UBTF: variants seen among roughly 807,000 people sequenced by gnomAD.
UBTF encodes upstream binding transcription factor.
A neutral mutation model predicts 112.3 loss-of-function variants in UBTF; 8 were observed. The observed-to-expected ratio is 0.07, with a 90% CI of 0.04 to 0.13. The LOEUF (loss-of-function observed/expected upper bound fraction) is 0.13, where lower values mean the gene tolerates loss of function less well. Ranked by LOEUF, UBTF falls within the 10% of genes least tolerant of loss-of-function variation. The probability of loss-of-function intolerance (pLI) is 1.00; values close to 1 mark genes in which losing one functional copy is unlikely to be tolerated. For missense variants in UBTF, 457 were observed against 982.1 expected (o/e 0.47, Z 7.15); for synonymous variants, 417 against 373.1 (o/e 1.12, Z -1.36).
Position 44,211,779 on chromosome 17 carries a change from C to T in UBTF, c.906-32G>A, listed in dbSNP as rs746148792. The T allele has an allele frequency of 2.3e-5, 37 of 1,599,652 alleles. No homozygotes were observed. In the African/African-American group the frequency reaches 2.7e-4, roughly 12 times the overall value. On this transcript the variant is annotated intron_variant, in intron 9 of 20. Coordinates refer to ENST00000436088, the MANE Select transcript of UBTF (RefSeq NM_014233.4). This position sits in a 1 kb window ranked among gnomAD's most constrained non-coding sequence, Gnocchi z 4.9. Reference sequence around the variant, plus strand: ...GAGCCGCGGGGAGAGAGGTGCAGCCCGTAAGCGAGCAGGGCAGCAGGCCTT... The same window carrying T: ...GAGCCGCGGGGAGAGAGGTGCAGCCTGTAAGCGAGCAGGGCAGCAGGCCTT...
At chr17:44,213,156 G>A in intron 6 of UBTF, 62 bp downstream of exon 6, 2 of 1,587,638 alleles carry the variant, frequency 1.3e-6, no homozygotes, top group Middle Eastern at 1.7e-4. Context: ...GCTCTGGCCA[G>A]GGTTAGCCTA....
At position 44,212,518 on chromosome 17, in the gene UBTF, A is replaced by T. The variant is rs1259353360; in HGVS notation, c.661-64T>A. 6.5e-6 allele frequency: 4 copies of T among 612,558 alleles called. No homozygotes were observed. The South Asian group carries it at 6.8e-5, about 10-fold the overall frequency. 37.9% of individuals were successfully genotyped at this position (612,558 alleles called of 1,614,324 possible). ...GGGGCAGGGGGAGGGGGGAAGGGGG[A>T]AGGGGGCACAGAGGCCCCCGCCCCC... On this transcript the variant is annotated intron_variant, in intron 7 of 20. Transcript: ENST00000436088.
At chr17:44,220,108 A>G (rs2047106958), upstream of UBTF, among the ~76,000 whole-genome samples, 3 of 132,014 alleles carry the variant, frequency 2.3e-5, no homozygotes, top group Admixed American at 7.3e-5. Context: ...CGGGGCAGGG[A>G]GACACGCAGC....
intron 17 of UBTF, among the ~76,000 whole-genome samples, chr17:44,208,461 A>G (rs1382243721): frequency 6.6e-6 from 1 of 152,076 alleles, no homozygotes; most frequent in Admixed American, 6.6e-5. Flanking sequence ...CACTAAGACT[A>G]TTGGTTTTCA....
In UBTF at chr17:44,215,813, G is replaced by A. The variant is rs2046815102; in HGVS notation, c.319-4C>T. ...TCTTTGGGAAGTCTGGGTGTTTCTG[G>A]AAGAAGGGACAAGGACACAATGGAG... is the stretch of plus-strand genomic sequence containing the variant. On this transcript the variant is annotated splice_polypyrimidine_tract_variant and splice_region_variant and intron_variant, in intron 4 of 20. Coordinates refer to ENST00000436088, the MANE Select transcript of UBTF (RefSeq NM_014233.4). 2 of 1,613,980 alleles carry A rather than the reference G, an allele frequency of 1.2e-6. No individual in the cohort carries two copies. Among genetic ancestry groups the A allele is most frequent in the African/African-American group, 2.7e-5 (2 of 74,878 alleles).
intron 2 of UBTF, among the ~76,000 whole-genome samples, chr17:44,216,923 C>A (rs886889296): frequency 6.6e-6 from 1 of 152,204 alleles, no homozygotes; most frequent in Admixed American, 6.5e-5. Context: ...ACCTAGAAAG[C>A]CAGGCTCGAA....
In UBTF at chr17:44,206,021, G is replaced by C. The variant is rs913601877; in HGVS notation, c.*1221C>G. 2 of 152,164 alleles carry C rather than the reference G, an allele frequency of 1.3e-5. No individual in the cohort carries two copies. Among genetic ancestry groups the C allele is most frequent in the Non-Finnish European group, 2.9e-5 (2 of 68,046 alleles). 9.4% of individuals were successfully genotyped at this position (152,164 alleles called of 1,614,324 possible). A position where few individuals can be genotyped will look rare whatever the true frequency, so the allele number is the denominator to read the frequency against. On this transcript the variant is annotated 3_prime_UTR_variant, in exon 21 of 21. Coordinates refer to ENST00000436088, the MANE Select transcript of UBTF (RefSeq NM_014233.4). ...GATTCAAGGAAGGCTGGAGGGATGT[G>C]TAAGTTAGGAGCTCCCAGCACATTT...
In UBTF at chr17:44,210,368, C is replaced by G; in HGVS notation, c.1465G>C (p.Glu489Gln). Residue 489 changes from glutamate to glutamine, a missense_variant, in exon 14 of 21, where the codon GAG becomes CAG. Coordinates refer to ENST00000436088, the MANE Select transcript of UBTF (RefSeq NM_014233.4). ...ATAACGCTCTGTTGCCAGATCTCCTCAGCTCTTTTGGGGGACTCGGGCAGC... is the reference window on the plus strand; with the variant it reads ...ATAACGCTCTGTTGCCAGATCTCCTGAGCTCTTTTGGGGGACTCGGGCAGC... The part of the protein sequence containing the change: ...GKLPESPKRA[E>Q]EIWQQSVIGD... The G allele has an allele frequency of 6.2e-7, 1 of 1,614,238 alleles. No homozygotes were observed. The highest frequency in any genetic ancestry group is 8.5e-7 in the Non-Finnish European group (1 of 1,180,048).
rs546026663 is a variant in UBTF at position 44,208,744 on chromosome 17, G to A, written c.1905+608C>T. On this transcript the variant is annotated intron_variant, in intron 17 of 20. Transcript: ENST00000436088. ...TCTGACTACTCAACCAAAGCACAGA[G>A]GGGAAGCACAAAGGCCAGGAGTCTA... The A allele has an allele frequency of 7.5e-5, 14 of 187,382 alleles. No homozygotes were observed. In the South Asian group the frequency reaches 8.9e-4, roughly 12 times the overall value. 11.6% of individuals were successfully genotyped at this position (187,382 alleles called of 1,614,324 possible).
Position 44,207,152 on chromosome 17 carries a change from A to C in UBTF, c.*90T>G. ...GAAAGTGGGGGAGGCCAGGGGGGCA[A>C]GGGACAGAACATGGGGGAGAAACAA... On this transcript the variant is annotated 3_prime_UTR_variant, in exon 21 of 21. Coordinates refer to ENST00000436088, the MANE Select transcript of UBTF (RefSeq NM_014233.4). 1 of 1,421,010 alleles carries C rather than the reference A, an allele frequency of 7.0e-7. No homozygotes were observed. Among genetic ancestry groups the C allele is most frequent in the Non-Finnish European group, 9.7e-7 (1 of 1,034,922 alleles). The allele number at this position is 1,421,010 out of a possible 1,614,324, so 88.0% of individuals were successfully genotyped here.
In UBTF at chr17:44,218,272, A is replaced by G; in HGVS notation, c.-43T>C. ...ACCTCCTCGGTCGTGCTGGCCGGGC[A>G]ACCCGGGGTCAAAGCCACCTCACCC... On this transcript the variant is annotated 5_prime_UTR_variant, in exon 2 of 21. Coordinates refer to ENST00000436088, the MANE Select transcript of UBTF (RefSeq NM_014233.4). The G allele has an allele frequency of 6.2e-7, 1 of 1,608,210 alleles. No individual in the cohort carries two copies. The highest frequency in any genetic ancestry group is 8.5e-7 in the Non-Finnish European group (1 of 1,177,910).
At chr17:44,220,897 G>T (rs942415944), upstream of UBTF, 1 of 150,662 alleles carries the variant, frequency 6.6e-6, no homozygotes, top group Non-Finnish European at 1.5e-5. Context: ...AGCCCCACGC[G>T]CCGCGCTCCG....
At chr17:44,214,324 C>T (rs972022000) in intron 5 of UBTF, among the ~76,000 whole-genome samples, 1 of 152,226 alleles carries the variant, frequency 6.6e-6, no homozygotes, top group Non-Finnish European at 1.5e-5. Flanking sequence ...AGTTTTAGAC[C>T]TGAAGGGGAC....
chr17:44,209,441 G>A lies in UBTF; in HGVS notation c.1816C>T (p.Arg606Cys), dbSNP rs1191232489. 2 of 1,614,130 alleles carry A rather than the reference G, an allele frequency of 1.2e-6. No individual in the cohort carries two copies. The highest frequency in any genetic ancestry group is 2.2e-5 in the East Asian group (1 of 44,872). ...TGCTCCTTCTGGCTCTGGGAGATGC[G>A]CTGCCAGCGACTGCCGATCTCCACC... is the stretch of plus-strand genomic sequence containing the variant. ...RMVEIGSRWQ[R>C]ISQSQKEHYK... The change falls in exon 17 of 21, where the codon CGC (arginine) becomes TGC (cysteine). Residue 606 changes from arginine to cysteine, a missense_variant. By Grantham distance (180) the Arg-to-Cys change is radical (BLOSUM62 -3). This residue lies in a region of UBTF where 77 missense variants were observed against 211.9 expected (regional missense o/e 0.36). Transcript: ENST00000436088.
At chr17:44,212,607 G>A (rs1010847350) in intron 7 of UBTF, among the ~76,000 whole-genome samples, 153 bp from the exon 8 acceptor site, 4 of 152,184 alleles carry the variant, frequency 2.6e-5, no homozygotes, top group Admixed American at 2.0e-4. Flanking sequence ...GAGAGGCGGG[G>A]ATCCCGCCTG....
At chr17:44,213,874 TTC>T (rs1002649492) in intron 5 of UBTF, among the ~76,000 whole-genome samples, 43 of 152,184 alleles carry the variant, frequency 2.8e-4, no homozygotes, top group Admixed American at 9.8e-4. Flanking sequence ...CATCACCTTC[TTC>T]TCTTTCTCCA....
Position 44,210,154 on chromosome 17 carries a change from C to T in UBTF, c.1596G>A (p.Lys532=), listed in dbSNP as rs2056559988. The T allele has an allele frequency of 2.5e-6, 4 of 1,614,236 alleles. No individual in the cohort carries two copies. The highest frequency in any genetic ancestry group is 3.4e-6 in the Non-Finnish European group (4 of 1,180,040). ...MEKKEKLMWI[K]KAAEDQKRYE... ...ATCGCTTTTGGTCTTCGGCTGCCTT[C>T]TTAATCCACATCAGTTTCTCCTTCT... The change falls in exon 15 of 21, where the codon AAG becomes AAA. Residue 532 remains lysine, a synonymous_variant. Transcript: ENST00000436088.
chr17:44,207,437 T>C lies in UBTF; in HGVS notation c.2169+17A>G. 6.2e-7 allele frequency: 1 copy of C among 1,613,024 alleles called. No individual in the cohort carries two copies. Among genetic ancestry groups the C allele is most frequent in the East Asian group, 2.2e-5 (1 of 44,874 alleles). On this transcript the variant is annotated intron_variant, in intron 20 of 20. Coordinates refer to ENST00000436088, the MANE Select transcript of UBTF (RefSeq NM_014233.4). ...GCAGGACTCCCCTCCCCTCCCACTG[T>C]GCCCTGTCTGCCCCACCTCATCCCC...
intron 18 of UBTF, 31 bp downstream of exon 18, chr17:44,207,832 CT>C: frequency 6.2e-7 from 1 of 1,614,170 alleles, no homozygotes; most frequent in Non-Finnish European, 8.5e-7. Flanking sequence ...TCCCCCACCC[CT>C]ACCCCACTGC....
Sources: allele counts gnomAD v4.1 joint callset (sites outside exome capture counted in the v4.1 genomes callset), GRCh38; gene constraint gnomAD v4.1.1; regional missense constraint gnomAD v4.1.1; non-coding constraint Gnocchi (gnomAD v3.1); transcripts MANE v1.5; gene names NCBI Gene and HGNC (gene_info 2026-07-23, HGNC 2026-07-21).